Variants in SLC6A13 observed in about 807,000 individuals in gnomAD.
SLC6A13 encodes sodium- and chloride-dependent GABA transporter 2.
SLC6A13 carries 69 observed loss-of-function variants against 72.9 expected under a neutral mutation model. The ratio of observed to expected loss-of-function variants is 0.95; its 90% confidence interval spans 0.78 to 1.16. The LOEUF (loss-of-function observed/expected upper bound fraction) is 1.16, where lower values mean the gene tolerates loss of function less well. Among genes scored for constraint, SLC6A13 ranks in the 50% most tolerant of loss-of-function variants. SLC6A13 has a pLI of 0.00. For synonymous variants in SLC6A13, 303 were observed against 303.0 expected (o/e 1.00, Z 0.00); for missense variants, 735 against 760.5 (o/e 0.97, Z 0.39).
intron 4 of SLC6A13, 135 bp downstream of exon 4, chr12:242,479 T>A (rs1480386430): frequency 6.2e-6 from 4 of 647,024 alleles, no homozygotes; most frequent in Non-Finnish European, 9.8e-6. Flanking sequence ...GATCTTATTC[T>A]TGACATAAGC....
At chr12:239,160 C>T (rs889089744) in intron 4 of SLC6A13, among the ~76,000 whole-genome samples, 6 of 149,348 alleles carry the variant, frequency 4.0e-5, no homozygotes, top group Non-Finnish European at 1.5e-5. Flanking sequence ...CCACGTCCAC[C>T]CTGTTCCCTG....
chr12:221,017 TGCTGGGTTCC>T lies in SLC6A13; in HGVS notation c.1730_1739del (p.Arg577GlnfsTer19). 1 of 1,612,596 alleles carries T rather than the reference TGCTGGGTTCC, an allele frequency of 6.2e-7. No homozygotes were observed. On this transcript the variant is annotated frameshift_variant, in exon 15 of 15. Transcript: ENST00000343164. LOFTEE classifies it high-confidence loss of function. Reference sequence around the variant, plus strand: ...TGGGGGTGGCGGGAGCCGAGGGTCCTGCTGGGTTCCGCTGGGGCAGGTCCTCGGCTGGGCA... The same window carrying T: ...TGGGGGTGGCGGGAGCCGAGGGTCCTGCTGGGGCAGGTCCTCGGCTGGGCA...
At chr12:256,978 G>C (rs1942767460) in intron 2 of SLC6A13, among the ~76,000 whole-genome samples, 1 of 152,144 alleles carries the variant, frequency 6.6e-6, no homozygotes, top group African/African-American at 2.4e-5. Flanking sequence ...CAGGAGGAAA[G>C]GGGTCCAACC....
chr12:234,933 C>T (rs1264635175), intron 7 of SLC6A13, among the ~76,000 whole-genome samples, 157 bp downstream of exon 7: 1 of 152,228 alleles, frequency 6.6e-6, no homozygotes, highest in Non-Finnish European at 1.5e-5. Flanking sequence ...TTTCCGGCAA[C>T]AAACAGATGT....
At chr12:244,325 G>A (rs778434017) in intron 2 of SLC6A13, among the ~76,000 whole-genome samples, 2 of 152,206 alleles carry the variant, frequency 1.3e-5, no homozygotes, top group African/African-American at 2.4e-5. Flanking sequence ...AGCCTAATAA[G>A]ATGTAAGTCA....
chr12:231,043 G>A (rs553824755), intron 7 of SLC6A13, among the ~76,000 whole-genome samples: 1 of 152,282 alleles, frequency 6.6e-6, no homozygotes, highest in Admixed American at 6.5e-5. Context: ...AAGCTTCCAC[G>A]AGGGTTCTTT....
chr12:226,236 T>C (rs1397634391), intron 9 of SLC6A13, among the ~76,000 whole-genome samples, 154 bp downstream of exon 9: 1 of 152,166 alleles, frequency 6.6e-6, no homozygotes, highest in Non-Finnish European at 1.5e-5. Context: ...AATGACTGTT[T>C]CAATTCTCCG....
chr12:223,675 G>A, intron 11 of SLC6A13: 1 of 373,576 alleles, frequency 2.7e-6, no homozygotes, highest in Non-Finnish European at 5.0e-6. Flanking sequence ...CATAGAACTT[G>A]GTTCAGCTGC....
chr12:241,625 C>T (rs570244664), intron 4 of SLC6A13, among the ~76,000 whole-genome samples: 5 of 152,120 alleles, frequency 3.3e-5, no homozygotes, highest in South Asian at 2.1e-4. Context: ...TGGGACTGCC[C>T]GTGAAAGGTA....
At chr12:240,316 G>A (rs1007034654) in intron 4 of SLC6A13, among the ~76,000 whole-genome samples, 4 of 152,094 alleles carry the variant, frequency 2.6e-5, no homozygotes, top group Non-Finnish European at 4.4e-5. Flanking sequence ...CAATCCTCCT[G>A]TCTCAACCTC....
intron 2 of SLC6A13, among the ~76,000 whole-genome samples, chr12:250,412 A>C (rs1942494166): frequency 6.6e-6 from 1 of 151,484 alleles, no homozygotes; most frequent in Non-Finnish European, 1.5e-5. Flanking sequence ...ACAAAAAAAA[A>C]CCTATTAGAA....
intron 1 of SLC6A13, among the ~76,000 whole-genome samples, chr12:262,442 C>T (rs1294239657): frequency 1.3e-5 from 2 of 152,154 alleles, no homozygotes; most frequent in East Asian, 1.9e-4. Flanking sequence ...AATAGAATAA[C>T]AGGTACTCAA....
In SLC6A13 at chr12:234,095, G is replaced by A. The variant is rs1309374942; in HGVS notation, c.831+995C>T. Among the ~76,000 whole-genome samples, 4 of 152,292 alleles carry A rather than the reference G, an allele frequency of 2.6e-5. No homozygotes were observed. The East Asian group carries it at 7.7e-4, about 29-fold the overall frequency. ...GCAACAGAAGTGAACTCTGGTCCTAGAGGAGGAGCTCTAGGTTGCACGCTC... is the reference window on the plus strand; with the variant it reads ...GCAACAGAAGTGAACTCTGGTCCTAAAGGAGGAGCTCTAGGTTGCACGCTC... On this transcript the variant is annotated intron_variant, in intron 7 of 14. Coordinates refer to ENST00000343164, the MANE Select transcript of SLC6A13 (RefSeq NM_016615.5).
At chr12:232,741 GT>G (rs1169168499) in intron 7 of SLC6A13, among the ~76,000 whole-genome samples, 3 of 152,190 alleles carry the variant, frequency 2.0e-5, no homozygotes, top group Admixed American at 6.5e-5. Context: ...CCACCAGAAG[GT>G]TATTGAGAAA....
At position 220,736 on chromosome 12, in the gene SLC6A13, C is replaced by G. The variant is rs1393071246; in HGVS notation, c.*212G>C. On this transcript the variant is annotated 3_prime_UTR_variant, in exon 15 of 15. Transcript: ENST00000343164. ...TTCCCAAGGGTCTCAGAGGGACACTCTTGGCACTGGCCTTTCACATCTGTT... is the reference window on the plus strand; with the variant it reads ...TTCCCAAGGGTCTCAGAGGGACACTGTTGGCACTGGCCTTTCACATCTGTT... 2 of 564,692 alleles carry G rather than the reference C, an allele frequency of 3.5e-6. No individual in the cohort carries two copies. Among genetic ancestry groups the G allele is most frequent in the South Asian group, 2.0e-5 (1 of 49,836 alleles). The allele number at this position is 564,692 out of a possible 1,614,324, so 35.0% of individuals were successfully genotyped here. A position where few individuals can be genotyped will look rare whatever the true frequency, so the allele number is the denominator to read the frequency against.
rs1941352040 is a variant in SLC6A13 at position 224,384 on chromosome 12, T to G, written c.1173+17A>C. 3 of 1,595,700 alleles carry G rather than the reference T, an allele frequency of 1.9e-6. No homozygotes were observed. The highest frequency in any genetic ancestry group is 2.6e-6 in the Non-Finnish European group (3 of 1,163,384). On this transcript the variant is annotated intron_variant, in intron 10 of 14. Coordinates refer to ENST00000343164, the MANE Select transcript of SLC6A13 (RefSeq NM_016615.5). ...CCCCACTCATCTCTCAGCCTCTGAG[T>G]GGCTGCCTCTTGATACCTGGCTATC...
chr12:249,935 T>A (rs924067030), intron 2 of SLC6A13, among the ~76,000 whole-genome samples: 1 of 152,156 alleles, frequency 6.6e-6, no homozygotes, highest in African/African-American at 2.4e-5. Flanking sequence ...AGATACAAAG[T>A]GGGTTTAACA....
chr12:228,156 G>A (rs1489142669), intron 7 of SLC6A13, among the ~76,000 whole-genome samples: 1 of 152,046 alleles, frequency 6.6e-6, no homozygotes, highest in Non-Finnish European at 1.5e-5. Context: ...AGTAATTCTC[G>A]GCTCACAAAA....
chr12:233,854 T>C (rs1238161373), intron 7 of SLC6A13, among the ~76,000 whole-genome samples: 1 of 152,074 alleles, frequency 6.6e-6, no homozygotes, highest in Non-Finnish European at 1.5e-5. Flanking sequence ...GCTGCTAACA[T>C]GTCAGAGGCA....
Sources: gnomAD v4.1 joint callset for allele counts (sites outside exome capture counted in the v4.1 genomes callset) on GRCh38, gnomAD v4.1.1 for gene constraint, MANE v1.5 for transcripts, NCBI Gene and HGNC (gene_info 2026-07-23, HGNC 2026-07-21) for gene names.